The following ZNF415 variants were observed in gnomAD, a reference collection of about 807,000 sequenced individuals.
The protein encoded by ZNF415 is zinc finger protein 415.
In ZNF415, 5 loss-of-function variants were observed where a neutral mutation model predicts 7.3. That is an observed-to-expected ratio of 0.69 (90% CI 0.36 to 1.44). The LOEUF (loss-of-function observed/expected upper bound fraction) is 1.44. ZNF415 is among the 40% of genes most tolerant of loss of function. ZNF415 has a pLI of 0.04. For synonymous variants in ZNF415, 207 were observed against 226.3 expected (o/e 0.91, Z 0.77); for missense variants, 628 against 664.8 (o/e 0.94, Z 0.61).
intron 2 of ZNF415, chr19:53,122,404 C>T: frequency 6.5e-7 from 1 of 1,536,908 alleles, no homozygotes; most frequent in South Asian, 1.2e-5. Flanking sequence ...GGACCCTCAC[C>T]CCGTCTCCAT....
chr19:53,124,225 A>G (rs1337823666), intron 1 of ZNF415: 2 of 143,240 alleles, frequency 1.4e-5, no homozygotes, highest in Admixed American at 7.6e-5. Context: ...GCAACAAGAG[A>G]AAAACTCCGT....
chr19:53,123,589 G>A (rs890022225), intron 1 of ZNF415: 7 of 398,850 alleles, frequency 1.8e-5, no homozygotes, highest in South Asian at 1.3e-4. Flanking sequence ...GGAACAGGAA[G>A]GACGCATGCT....
chr19:53,115,050 G>A (rs1463936770), intron 3 of ZNF415, among the ~76,000 whole-genome samples: 1 of 152,050 alleles, frequency 6.6e-6, no homozygotes, highest in East Asian at 1.9e-4. Flanking sequence ...GAACAGGAGA[G>A]ACCGGCCGGG....
rs559279324 is a variant in ZNF415, at chr19:53,114,548, T to C, written c.136+1765A>G. Among the ~76,000 whole-genome samples, 17 of 152,282 alleles carry C rather than the reference T, an allele frequency of 1.1e-4. 1 individual carries two copies. Among genetic ancestry groups the C allele is most frequent in the Admixed American group, 8.5e-4 (13 of 15,284 alleles). On this transcript the variant is annotated intron_variant, in intron 3 of 3. Coordinates refer to ENST00000243643, the MANE Select transcript of ZNF415 (RefSeq NM_018355.4). The stretch of plus-strand genomic sequence containing the variant: ...AAGAGCCAAGGTTTTTCCACATTCA[T>C]ATAGCAGTGAGACCAACGGAAAAGA...
chr19:53,115,823 G>A, intron 3 of ZNF415: 1 of 1,539,980 alleles, frequency 6.5e-7, no homozygotes, highest in Non-Finnish European at 8.8e-7. Flanking sequence ...TGGTCAGGAA[G>A]AGAATTTCCC....
At position 53,109,633 on chromosome 19, in the gene ZNF415, G is replaced by C; in HGVS notation, c.412C>G (p.Gln138Glu). 6.2e-7 allele frequency: 1 copy of C among 1,614,116 alleles called. No homozygotes were observed. The highest frequency in any genetic ancestry group is 8.5e-7 in the Non-Finnish European group (1 of 1,180,018). ...RGIGNKSIKHQLGLSFLPHPH... is the reference protein window; with the variant it reads ...RGIGNKSIKHELGLSFLPHPH... Reference sequence around the variant, plus strand: ...TGTGGTAGAAAGCTTAATCCAAGCTGATGTTTAATAGACTTGTTTCCTATA... The same window carrying C: ...TGTGGTAGAAAGCTTAATCCAAGCTCATGTTTAATAGACTTGTTTCCTATA... The change falls in exon 4 of 4, where the codon CAG becomes GAG. Residue 138 changes from glutamine to glutamate, a missense_variant. Physicochemically the swap from Gln to Glu is conservative, Grantham distance 29. Transcript: ENST00000243643.
At chr19:53,131,816 T>G (rs974042175) in intron 1 of ZNF415, among the ~76,000 whole-genome samples, 1 of 152,172 alleles carries the variant, frequency 6.6e-6, no homozygotes, top group South Asian at 2.1e-4. Flanking sequence ...CCCTGTTAAA[T>G]TCCCTCTTCC....
At chr19:53,113,611 C>A (rs2086583271) in intron 3 of ZNF415, among the ~76,000 whole-genome samples, 1 of 152,104 alleles carries the variant, frequency 6.6e-6, no homozygotes. Context: ...TTCACAAGCT[C>A]CCTCCACAAG....
intron 2 of ZNF415, among the ~76,000 whole-genome samples, chr19:53,119,107 GCT>G (rs2087532066): frequency 6.6e-6 from 1 of 151,870 alleles, no homozygotes; most frequent in Non-Finnish European, 1.5e-5. Flanking sequence ...GGTGAACCCC[GCT>G]TCTACTAAAA....
chr19:53,123,429 A>G (rs12462881), intron 1 of ZNF415: 235,948 of 397,270 alleles, frequency 0.59, 71,634 homozygotes, highest in East Asian at 0.67. Flanking sequence ...TGAAATGGGA[A>G]GTGGGTCACA....
chr19:53,129,895 C>G (rs762280054), intron 1 of ZNF415, among the ~76,000 whole-genome samples: 1 of 151,944 alleles, frequency 6.6e-6, no homozygotes, highest in Admixed American at 6.6e-5. Flanking sequence ...GAAAGCTCAT[C>G]TCTATCAAAA....
intron 1 of ZNF415, among the ~76,000 whole-genome samples, chr19:53,126,018 C>CAA (rs58522981): frequency 2.1e-4 from 23 of 111,334 alleles, no homozygotes; most frequent in African/African-American, 7.9e-4. Context: ...CTGGTGTAGA[C>CAA]AAAAAAAAAA....
chr19:53,128,256 A>C (rs957800000), intron 1 of ZNF415, among the ~76,000 whole-genome samples: 1 of 151,902 alleles, frequency 6.6e-6, no homozygotes, highest in Admixed American at 6.6e-5. Flanking sequence ...TCAAGTCTAG[A>C]TTCTAGAAGT....
chr19:53,123,596 T>C, intron 1 of ZNF415: 1 of 398,926 alleles, frequency 2.5e-6, no homozygotes, highest in Non-Finnish European at 4.4e-6. Flanking sequence ...GAAGGACGCA[T>C]GCTTGGCTGG....
chr19:53,108,904 C>T lies in ZNF415; in HGVS notation c.1141G>A (p.Glu381Lys), dbSNP rs1369699352. ...LATHQRIHTG[E>K]KPYKCNECGK... Reference sequence around the variant, plus strand: ...CATTCATTACACTTGTATGGTTTCTCCCCAGTGTGAATTCTCTGATGAGTT... The same window carrying T: ...CATTCATTACACTTGTATGGTTTCTTCCCAGTGTGAATTCTCTGATGAGTT... Residue 381 changes from glutamate (E) to lysine (K), a missense_variant, in exon 4 of 4, where the codon GAG becomes AAG. By Grantham distance (56) the Glu-to-Lys change is moderately conservative. Coordinates refer to ENST00000243643, the MANE Select transcript of ZNF415 (RefSeq NM_018355.4). The T allele has an allele frequency of 5.0e-6, 8 of 1,613,982 alleles. No homozygotes were observed. The South Asian group carries it at 6.6e-5, about 13-fold the overall frequency.
At chr19:53,127,963 C>T (rs960050422) in intron 1 of ZNF415, among the ~76,000 whole-genome samples, 45 of 152,198 alleles carry the variant, frequency 3.0e-4, no homozygotes, top group African/African-American at 7.7e-4. Context: ...CATAAACCCA[C>T]GTCCATGTGC....
chr19:53,123,492 T>TG, intron 1 of ZNF415: 1 of 395,526 alleles, frequency 2.5e-6, no homozygotes, highest in East Asian at 3.6e-5. Flanking sequence ...GAAGGAGGGG[T>TG]GTTTGCACCT....
intron 1 of ZNF415, among the ~76,000 whole-genome samples, chr19:53,128,221 A>T (rs1486345873): frequency 6.6e-6 from 1 of 152,078 alleles, no homozygotes; most frequent in Non-Finnish European, 1.5e-5. Flanking sequence ...ATGGACACAA[A>T]CTGCTATCTG....
chr19:53,121,756 A>C (rs1246949945), intron 2 of ZNF415, among the ~76,000 whole-genome samples: 2 of 152,062 alleles, frequency 1.3e-5, no homozygotes, highest in Non-Finnish European at 2.9e-5. Context: ...TTTATGTTTC[A>C]AAGTCAATAA....
Sources: gnomAD v4.1 joint callset for allele counts (sites outside exome capture counted in the v4.1 genomes callset) on GRCh38, gnomAD v4.1.1 for gene constraint, MANE v1.5 for transcripts, NCBI Gene and HGNC (gene_info 2026-07-23, HGNC 2026-07-21) for gene names.